Variants in PIGP observed in about 807,000 individuals in gnomAD.
PIGP encodes phosphatidylinositol N-acetylglucosaminyltransferase subunit P.
PIGP carries 12 observed loss-of-function variants against 16.9 expected under a neutral mutation model. That is an observed-to-expected ratio of 0.71 (90% CI 0.46 to 1.15). The LOEUF (loss-of-function observed/expected upper bound fraction) is 1.15, where lower values mean the gene tolerates loss of function less well. Among genes scored for constraint, PIGP ranks in the 50% most tolerant of loss-of-function variants. The pLI is 0.00. For missense variants in PIGP, 159 were observed against 153.5 expected, an observed-to-expected ratio of 1.04 and a Z score of -0.19; for synonymous variants, 57 against 54.7, an observed-to-expected ratio of 1.04 and a Z score of -0.18.
chr21:37,072,326 A>G (rs2070119319), intron 2 of PIGP, 108 bp downstream of exon 2: 2 of 1,596,728 alleles, frequency 1.3e-6, no homozygotes, highest in Non-Finnish European at 1.7e-6. Flanking sequence ...AAAGAGACAT[A>G]GGGAGAAAGA....
intron 1 of PIGP, 82 bp from the exon 2 acceptor site, chr21:37,072,619 G>GGTACGGCCCCCGCCGCGC: frequency 6.2e-7 from 1 of 1,602,656 alleles, no homozygotes; most frequent in Non-Finnish European, 8.5e-7. Context: ...CTCCGCCGCG[G>GGTACGGCCCCCGCCGCGC]GTACGGCCCC....
intron 1 of PIGP, 152 bp downstream of exon 1, chr21:37,072,848 C>T (rs1008840545): frequency 4.2e-6 from 2 of 471,614 alleles, no homozygotes; most frequent in Admixed American, 7.9e-5. Context: ...CGGCGCCCAC[C>T]AGCATGCGGG....
chr21:37,072,828 A>C, intron 1 of PIGP, 172 bp downstream of exon 1: 2 of 500,652 alleles, frequency 4.0e-6, no homozygotes, highest in Non-Finnish European at 3.5e-6. Flanking sequence ...GGCAGGGAAC[A>C]AGGCTCGCGC....
chr21:37,072,419 C>A lies in PIGP; in HGVS notation c.82+15G>T, dbSNP rs367736459. ...CCAGAAAAAGCCCCTGGCCATCCAT[C>A]AGGAAAGTACTTACTGAAGCCAAAT... On this transcript the variant is annotated intron_variant, in intron 2 of 4. Transcript: ENST00000360525. 4.8e-5 allele frequency: 77 copies of A among 1,613,832 alleles called. No individual in the cohort carries two copies. The highest frequency in any genetic ancestry group is 5.8e-5 in the Non-Finnish European group (69 of 1,179,868).
chr21:37,071,370 G>A (rs2070014111), intron 2 of PIGP, among the ~76,000 whole-genome samples: 1 of 152,184 alleles, frequency 6.6e-6, no homozygotes, highest in Non-Finnish European at 1.5e-5. Context: ...CATCTTTAAA[G>A]GACAGTAATA....
chr21:37,070,082 G>C (rs738863), intron 2 of PIGP, among the ~76,000 whole-genome samples: 88,854 of 151,938 alleles, frequency 0.58, 26,364 homozygotes, highest in Non-Finnish European at 0.64. Context: ...CCCTCAATCC[G>C]AAATCTCGGC....
At position 37,067,253 on chromosome 21, in the gene PIGP, TAA is replaced by T; in HGVS notation, c.274+7_274+8del. The T allele has an allele frequency of 6.8e-7, 1 of 1,475,552 alleles. No individual in the cohort carries two copies. The highest frequency in any genetic ancestry group is 9.5e-7 in the Non-Finnish European group (1 of 1,054,330). The allele number at this position is 1,475,552 out of a possible 1,614,324, so 91.4% of individuals were successfully genotyped here. A position where few individuals can be genotyped will look rare whatever the true frequency, so the allele number is the denominator to read the frequency against. On this transcript the variant is annotated splice_region_variant and intron_variant, in intron 4 of 4. Coordinates refer to ENST00000360525, the MANE Select transcript of PIGP (RefSeq NM_153682.3). ...ATTGCCCCAGCACTTTCCTTTTATA[TAA>T]AGTTACCTGTGATTGTATGGATGGA...
chr21:37,067,790 T>C (rs1268957385), intron 3 of PIGP, among the ~76,000 whole-genome samples: 1 of 152,206 alleles, frequency 6.6e-6, no homozygotes, highest in African/African-American at 2.4e-5. Flanking sequence ...GTTTTAGAAA[T>C]AATTGTACCT....
chr21:37,068,134 T>C (rs1008408202), intron 3 of PIGP, among the ~76,000 whole-genome samples: 1 of 151,652 alleles, frequency 6.6e-6, no homozygotes, highest in Admixed American at 6.6e-5. Flanking sequence ...GCTGGGACTA[T>C]AGGCACACAC....
At chr21:37,072,589 G>A (rs1283860914) in intron 1 of PIGP, 52 bp from the exon 2 acceptor site, 1 of 1,613,722 alleles carries the variant, frequency 6.2e-7, no homozygotes, top group East Asian at 2.2e-5. Context: ...TGGCACCATT[G>A]ATCCATTCTC....
intron 2 of PIGP, among the ~76,000 whole-genome samples, chr21:37,071,780 G>T (rs763626606): frequency 9.9e-5 from 15 of 152,108 alleles, no homozygotes; most frequent in Admixed American, 5.2e-4. Flanking sequence ...CTGTGTGAGT[G>T]GGCATATTAG....
At chr21:37,072,938 G>T (rs1396364445) in intron 1 of PIGP, 62 bp downstream of exon 1, 1 of 236,032 alleles carries the variant, frequency 4.2e-6, no homozygotes. Flanking sequence ...CGGGGTATGG[G>T]GGGGCCCTCG....
chr21:37,068,229 T>C (rs1296667441), intron 3 of PIGP, among the ~76,000 whole-genome samples: 1 of 151,666 alleles, frequency 6.6e-6, no homozygotes, highest in East Asian at 1.9e-4. Flanking sequence ...TTAAATGATT[T>C]GTTCTCTATT....
At chr21:37,072,660 T>G in intron 1 of PIGP, 123 bp from the exon 2 acceptor site, 2 of 1,541,268 alleles carry the variant, frequency 1.3e-6, no homozygotes, top group Non-Finnish European at 8.8e-7. Flanking sequence ...CGCGCCTCCG[T>G]CCGCAACCCG....
At chr21:37,069,665 G>A in intron 2 of PIGP, 41 bp from the exon 3 acceptor site, 1 of 1,299,754 alleles carries the variant, frequency 7.7e-7, no homozygotes, top group Non-Finnish European at 1.1e-6. Context: ...AGAGAAGTCA[G>A]TAAGACATAC....
chr21:37,067,232 C>T (rs764333713), intron 4 of PIGP, 30 bp downstream of exon 4: 4 of 1,261,220 alleles, frequency 3.2e-6, no homozygotes, highest in African/African-American at 1.5e-5. Context: ...TCTTTCATTG[C>T]CCCAGCACTT....
chr21:37,069,655 AGAG>A lies in PIGP; in HGVS notation c.83-34_83-32del, dbSNP rs766532468. 5 of 1,422,530 alleles carry A rather than the reference AGAG, an allele frequency of 3.5e-6. No individual in the cohort carries two copies. In the African/African-American group the frequency reaches 7.2e-5, roughly 20 times the overall value. 88.1% of individuals were successfully genotyped at this position (1,422,530 alleles called of 1,614,324 possible). ...GAAAAGAAAAAGAAAAAAAAGAGGAAGAGAAGTCAGTAAGACATACATCTAATC... is the reference window on the plus strand; with the variant it reads ...GAAAAGAAAAAGAAAAAAAAGAGGAAAAGTCAGTAAGACATACATCTAATC... On this transcript the variant is annotated intron_variant, in intron 2 of 4. Coordinates refer to ENST00000360525, the MANE Select transcript of PIGP (RefSeq NM_153682.3).
intron 2 of PIGP, chr21:37,072,228 A>G (rs2070107594): frequency 1.2e-5 from 20 of 1,611,374 alleles, no homozygotes; most frequent in African/African-American, 9.3e-5. Context: ...CTGGTGCTGT[A>G]TAAATATTTG....
At chr21:37,071,283 T>C (rs540831157) in intron 2 of PIGP, among the ~76,000 whole-genome samples, 1 of 152,378 alleles carries the variant, frequency 6.6e-6, no homozygotes, top group African/African-American at 2.4e-5. Flanking sequence ...TCAGCCAGTG[T>C]ATTTGGGTTC....
Sources: gnomAD v4.1 joint callset for allele counts (sites outside exome capture counted in the v4.1 genomes callset) on GRCh38, gnomAD v4.1.1 for gene constraint, MANE v1.5 for transcripts, NCBI Gene and HGNC (gene_info 2026-07-23, HGNC 2026-07-21) for gene names.